Variants in ARNT2 observed in about 807,000 individuals in gnomAD.
The protein encoded by ARNT2 is aryl hydrocarbon receptor nuclear translocator 2.
ARNT2 carries 36 observed loss-of-function variants against 91.7 expected under a neutral mutation model. The ratio of observed to expected loss-of-function variants is 0.39; its 90% CI spans 0.30 to 0.52. The LOEUF is 0.52. Ranked by LOEUF, ARNT2 falls within the 20% of genes least tolerant of loss-of-function variation. The pLI is 0.72. For missense variants in ARNT2, 775 were observed against 939.3 expected (o/e 0.83, Z 2.29); for synonymous variants, 365 against 347.1 (o/e 1.05, Z -0.57).
At chr15:80,458,717 T>C (rs1332745768) in intron 3 of ARNT2, among the ~76,000 whole-genome samples, 3 of 152,048 alleles carry the variant, frequency 2.0e-5, no homozygotes, top group Non-Finnish European at 2.9e-5. Flanking sequence ...TTGGCAGTGT[T>C]GACAGGAAGG....
At chr15:80,551,597 T>C (rs1898082226) in intron 9 of ARNT2, among the ~76,000 whole-genome samples, 1 of 152,174 alleles carries the variant, frequency 6.6e-6, no homozygotes, top group African/African-American at 2.4e-5. Context: ...TGGGATGAAG[T>C]CCAAGCTCAT....
rs1161520898 is a variant in ARNT2 at position 80,505,927 on chromosome 15, GTTTTTTTT to G, written c.623-2216_623-2209del. ...GAAAAAATGATTCCCAACATTTGTTGTTTTTTTTTTTTTTTTTTTTGAGACGGAGTCTT... is the reference window on the plus strand; with the variant it reads ...GAAAAAATGATTCCCAACATTTGTTGTTTTTTTTTTTTGAGACGGAGTCTT... On this transcript the variant is annotated intron_variant, in intron 5 of 18. Transcript: ENST00000303329. 3.4e-5 allele frequency among the ~76,000 whole-genome samples: 3 copies of G among 88,930 alleles called. 1 individual carries two copies. Among genetic ancestry groups the G allele is most frequent in the African/African-American group, 8.5e-5 (2 of 23,446 alleles). The allele number at this position is 88,930 out of a possible 152,430, so 58.3% of individuals were successfully genotyped here.
At chr15:80,574,951 T>C in intron 13 of ARNT2, 36 bp from the exon 14 acceptor site, 1 of 1,606,124 alleles carries the variant, frequency 6.2e-7, no homozygotes, top group East Asian at 2.2e-5. Flanking sequence ...GCCTTACGCA[T>C]GAGTTGCTGT....
intron 12 of ARNT2, among the ~76,000 whole-genome samples, chr15:80,566,540 T>C (rs1368889503): frequency 6.6e-6 from 1 of 152,160 alleles, no homozygotes; most frequent in Non-Finnish European, 1.5e-5. Flanking sequence ...TCTCGGAGAA[T>C]CCCTGTCTGG....
At chr15:80,514,062 G>C in intron 7 of ARNT2, 86 bp downstream of exon 7, 1 of 1,346,834 alleles carries the variant, frequency 7.4e-7, no homozygotes, top group Non-Finnish European at 1.1e-6. Context: ...ATTAAAGAAG[G>C]GGCTTAGTGT....
intron 5 of ARNT2, among the ~76,000 whole-genome samples, chr15:80,477,826 C>T (rs1896828937): frequency 6.6e-6 from 1 of 151,922 alleles, no homozygotes; most frequent in South Asian, 2.1e-4. Flanking sequence ...CCTATAATAA[C>T]ACTTATGATA....
intron 15 of ARNT2, among the ~76,000 whole-genome samples, chr15:80,578,457 G>A (rs544371991): frequency 6.6e-6 from 1 of 151,690 alleles, no homozygotes; most frequent in South Asian, 2.1e-4. Context: ...ACCTCACACT[G>A]GACTGTCTGC....
chr15:80,503,419 C>T (rs943548599), intron 5 of ARNT2, among the ~76,000 whole-genome samples: 9 of 152,168 alleles, frequency 5.9e-5, no homozygotes, highest in African/African-American at 9.7e-5. Flanking sequence ...CCAAGGAAAC[C>T]GGAGAAGCAC....
intron 5 of ARNT2, among the ~76,000 whole-genome samples, chr15:80,483,033 G>A (rs1310184598): frequency 6.6e-6 from 1 of 152,188 alleles, no homozygotes; most frequent in African/African-American, 2.4e-5. Flanking sequence ...CTATGACTTT[G>A]TGAAATGTCT....
chr15:80,478,802 T>C (rs1252164439), intron 5 of ARNT2, among the ~76,000 whole-genome samples: 2 of 152,212 alleles, frequency 1.3e-5, no homozygotes, highest in Admixed American at 6.5e-5. Flanking sequence ...GGGTTTCATA[T>C]GTAACCAGCC....
Position 80,404,508 on chromosome 15 carries a change from C to A in ARNT2, c.-8C>A. ...CTGCCAAGCGGGCGCCTATCCTCTC[C>A]GAGCAAGATGGCAACCCCGGCGGCG... On this transcript the variant is annotated 5_prime_UTR_variant, in exon 1 of 19. Transcript: ENST00000303329. The surrounding 1 kb of genome is among the most constrained non-coding windows in gnomAD (Gnocchi z 5.5). The A allele has an allele frequency of 8.1e-7, 1 of 1,236,130 alleles. No homozygotes were observed. The highest frequency in any genetic ancestry group is 1.0e-6 in the Non-Finnish European group (1 of 970,702). The allele number at this position is 1,236,130 out of a possible 1,614,324, so 76.6% of individuals were successfully genotyped here.
intron 5 of ARNT2, among the ~76,000 whole-genome samples, chr15:80,486,810 T>G (rs1468092617): frequency 6.6e-6 from 1 of 152,196 alleles, no homozygotes; most frequent in Non-Finnish European, 1.5e-5. Flanking sequence ...GGTACAGCCC[T>G]AGGAATGGTC....
chr15:80,456,055 T>A (rs1310126315), intron 2 of ARNT2, among the ~76,000 whole-genome samples: 5 of 152,336 alleles, frequency 3.3e-5, no homozygotes, highest in South Asian at 4.1e-4. Context: ...TTTTTGGTGC[T>A]TACCTTCGCG....
intron 8 of ARNT2, among the ~76,000 whole-genome samples, chr15:80,518,434 C>T (rs1043074120): frequency 6.6e-6 from 1 of 151,890 alleles, no homozygotes; most frequent in African/African-American, 2.4e-5. Flanking sequence ...GTGTGCACCA[C>T]CACAGCCAGC....
intron 1 of ARNT2, among the ~76,000 whole-genome samples, chr15:80,406,496 A>C (rs1487683472): frequency 6.6e-6 from 1 of 152,250 alleles, no homozygotes; most frequent in Non-Finnish European, 1.5e-5. Context: ...TGGGAACAGG[A>C]ATAAAATCCC....
intron 5 of ARNT2, among the ~76,000 whole-genome samples, chr15:80,501,914 C>T (rs923518830): frequency 1.2e-4 from 18 of 152,202 alleles, no homozygotes; most frequent in East Asian, 3.8e-4. Context: ...TTTGAAATAG[C>T]GTAATTACTA....
chr15:80,420,163 A>G (rs1467069839), intron 1 of ARNT2, among the ~76,000 whole-genome samples: 1 of 152,146 alleles, frequency 6.6e-6, no homozygotes, highest in East Asian at 1.9e-4. Flanking sequence ...TAAAAAAAAG[A>G]CCCTATGAAC....
At chr15:80,584,080 G>A in intron 17 of ARNT2, among the ~76,000 whole-genome samples, 1 of 152,222 alleles carries the variant, frequency 6.6e-6, no homozygotes, top group East Asian at 1.9e-4. Flanking sequence ...GGCTGTGGTG[G>A]AGTGAACAGG....
At chr15:80,461,277 A>T (rs1447086566) in intron 3 of ARNT2, among the ~76,000 whole-genome samples, 1 of 152,166 alleles carries the variant, frequency 6.6e-6, no homozygotes, top group Non-Finnish European at 1.5e-5. Flanking sequence ...CTTTTCTCAG[A>T]CTCAGGGTTG....
Sources: gnomAD v4.1 joint callset for allele counts (sites outside exome capture counted in the v4.1 genomes callset) on GRCh38, gnomAD v4.1.1 for gene constraint, Gnocchi (gnomAD v3.1) non-coding constraint, MANE v1.5 for transcripts, NCBI Gene and HGNC (gene_info 2026-07-23, HGNC 2026-07-21) for gene names.